Variants in TRPC7 observed in about 807,000 individuals in gnomAD.
The protein encoded by TRPC7 is short transient receptor potential channel 7.
In TRPC7, 42 loss-of-function variants were observed where a neutral mutation model predicts 90.1. That is an observed-to-expected ratio of 0.47 (90% CI 0.36 to 0.60). TRPC7 has a LOEUF of 0.60. TRPC7 is among the 20% of genes least tolerant of loss of function. The pLI, the probability that TRPC7 is intolerant of heterozygous loss-of-function variation, is 0.00. For synonymous variants in TRPC7, 451 were observed against 436.3 expected, an observed-to-expected ratio of 1.03 and a Z score of -0.42; for missense variants, 955 against 1,112.3, an observed-to-expected ratio of 0.86 and a Z score of 2.01.
intron 11 of TRPC7, among the ~76,000 whole-genome samples, chr5:136,214,705 C>T (rs1453213068): frequency 6.6e-6 from 1 of 152,138 alleles, no homozygotes; most frequent in African/African-American, 2.4e-5. Context: ...CATGTCAGCT[C>T]AGGGGCAGTT....
chr5:136,267,184 C>G (rs927246606), intron 4 of TRPC7, among the ~76,000 whole-genome samples: 1 of 152,050 alleles, frequency 6.6e-6, no homozygotes, highest in Middle Eastern at 3.2e-3. Context: ...CAAAAGATGC[C>G]CTATTAGGAG....
chr5:136,332,760 T>C (rs755939951), intron 2 of TRPC7, among the ~76,000 whole-genome samples: 6 of 152,222 alleles, frequency 3.9e-5, no homozygotes, highest in Non-Finnish European at 7.3e-5. Context: ...TAGGAGAGGT[T>C]TCACAATTGC....
intron 2 of TRPC7, among the ~76,000 whole-genome samples, chr5:136,321,052 A>G (rs1410658252): frequency 6.6e-6 from 1 of 152,166 alleles, no homozygotes; most frequent in Non-Finnish European, 1.5e-5. Flanking sequence ...TTCCTGGAGC[A>G]TGGTGGGCAC....
chr5:136,349,170 G>A (rs1476792274), intron 2 of TRPC7, among the ~76,000 whole-genome samples: 1 of 152,036 alleles, frequency 6.6e-6, no homozygotes, highest in Non-Finnish European at 1.5e-5. Flanking sequence ...TCCAGCCCAT[G>A]TCGCCTCTCT....
chr5:136,231,779 A>AT (rs796484877), intron 7 of TRPC7, among the ~76,000 whole-genome samples: 107 of 152,100 alleles, frequency 7.0e-4, no homozygotes, highest in African/African-American at 2.4e-3. Context: ...TAATTGTTTC[A>AT]TTTTTTGTAG....
At chr5:136,326,702 C>G (rs774551540) in intron 2 of TRPC7, among the ~76,000 whole-genome samples, 8 of 152,108 alleles carry the variant, frequency 5.3e-5, no homozygotes, top group Non-Finnish European at 1.2e-4. Flanking sequence ...CCACATTCAC[C>G]TTCCTGGGTG....
chr5:136,354,936 C>T, intron 2 of TRPC7, among the ~76,000 whole-genome samples: 1 of 152,234 alleles, frequency 6.6e-6, no homozygotes, highest in Non-Finnish European at 1.5e-5. Context: ...AACCCAATTA[C>T]ATCTCCTTTG....
chr5:136,266,411 A>G lies in TRPC7; in HGVS notation c.1154T>C (p.Phe385Ser). The G allele has an allele frequency of 6.2e-7, 1 of 1,613,736 alleles. No individual in the cohort carries two copies. Among genetic ancestry groups the G allele is most frequent in the East Asian group, 2.2e-5 (1 of 44,850 alleles). Residue 385 changes from phenylalanine to serine, a missense_variant, in exon 5 of 12, where the codon TTC (phenylalanine) becomes TCC (serine). Phe to Ser is a radical substitution (Grantham distance 155, BLOSUM62 -2). Around this residue, in one of 4 missense-constraint regions of TRPC7, gnomAD observed 484 missense variants for 509.6 expected, o/e 0.95. Coordinates refer to ENST00000513104, the MANE Select transcript of TRPC7 (RefSeq NM_020389.3). ...AACTGCATGAGCTACAAACTTCATG[A>G]AAGGGCTCCTCAGGGTTCGTCCTAG... The part of the protein sequence containing the change: ...SKLGRTLRSP[F>S]MKFVAHAVSF...
intron 1 of TRPC7, among the ~76,000 whole-genome samples, chr5:136,357,834 G>C (rs950328065): frequency 6.6e-6 from 1 of 152,170 alleles, no homozygotes; most frequent in South Asian, 2.1e-4. Context: ...TCTGTAGGAG[G>C]ATTAAATGAA....
chr5:136,260,754 A>G (rs147038378), intron 5 of TRPC7, among the ~76,000 whole-genome samples: 247 of 152,094 alleles, frequency 1.6e-3, no homozygotes, highest in Middle Eastern at 3.4e-3. Context: ...TTGAGAACAG[A>G]CTGAGTCATG....
Position 136,357,090 on chromosome 5 carries a change from T to C in TRPC7, c.298A>G (p.Lys100Glu). 1 of 1,614,034 alleles carries C rather than the reference T, an allele frequency of 6.2e-7. No individual in the cohort carries two copies. The highest frequency in any genetic ancestry group is 8.5e-7 in the Non-Finnish European group (1 of 1,179,954). ...TCCCCCACCCGTGCCAGGTTCTCCT[T>C]CTTCAGCAGCAGCTCCGTGACCTCT... ...HLEVTELLLK[K>E]ENLARVGDAL... The change falls in exon 2 of 12, where the codon AAG becomes GAG. Residue 100 changes from lysine to glutamate, a missense_variant. Lys to Glu is a moderately conservative substitution (Grantham distance 56). This residue lies in a region of TRPC7 where 161 missense variants were observed against 145.7 expected (regional missense o/e 1.10). Transcript: ENST00000513104.
intron 3 of TRPC7, among the ~76,000 whole-genome samples, chr5:136,286,784 G>A (rs1187544223): frequency 6.6e-6 from 1 of 152,098 alleles, no homozygotes; most frequent in East Asian, 1.9e-4. Context: ...TTCTCCATGG[G>A]ACTGTGGGGC....
intron 10 of TRPC7, among the ~76,000 whole-genome samples, chr5:136,222,565 C>CT (rs1471874377): frequency 2.6e-5 from 4 of 152,188 alleles, no homozygotes; most frequent in African/African-American, 9.7e-5. Context: ...AGGAACCATA[C>CT]TCAGATCCCC....
At chr5:136,267,139 C>T (rs1208462733) in intron 4 of TRPC7, among the ~76,000 whole-genome samples, 1 of 152,108 alleles carries the variant, frequency 6.6e-6, no homozygotes, top group Non-Finnish European at 1.5e-5. Context: ...TTCCTTTTGG[C>T]CTAGTGCCTG....
At chr5:136,337,027 C>G (rs1261833981) in intron 2 of TRPC7, among the ~76,000 whole-genome samples, 1 of 152,168 alleles carries the variant, frequency 6.6e-6, no homozygotes. Flanking sequence ...TGGAGGCTCA[C>G]CTATTAAGGC....
At chr5:136,227,643 C>T (rs958858803) in intron 8 of TRPC7, among the ~76,000 whole-genome samples, 10 of 152,156 alleles carry the variant, frequency 6.6e-5, no homozygotes, top group African/African-American at 1.4e-4. Context: ...CTCCTGGTCT[C>T]GCTGTACAAG....
At chr5:136,213,659 G>C in intron 11 of TRPC7, 55 bp from the exon 12 acceptor site, 1 of 1,588,800 alleles carries the variant, frequency 6.3e-7, no homozygotes, top group Non-Finnish European at 8.6e-7. Flanking sequence ...CTCGGGGCTT[G>C]TCCCATGCAC....
intron 3 of TRPC7, among the ~76,000 whole-genome samples, chr5:136,305,996 G>GAA (rs1457236778): frequency 6.6e-6 from 1 of 152,070 alleles, no homozygotes; most frequent in Non-Finnish European, 1.5e-5. Context: ...CCAGACACCG[G>GAA]ACCAACTTAG....
intron 3 of TRPC7, among the ~76,000 whole-genome samples, chr5:136,290,744 C>T (rs1757915283): frequency 6.6e-6 from 1 of 152,152 alleles, no homozygotes; most frequent in African/African-American, 2.4e-5. Flanking sequence ...AGAACTTCCC[C>T]CATCTAGCAA....
Sources: gnomAD v4.1 joint callset for allele counts (sites outside exome capture counted in the v4.1 genomes callset) on GRCh38, gnomAD v4.1.1 for gene constraint, gnomAD v4.1.1 regional missense constraint, MANE v1.5 for transcripts, NCBI Gene and HGNC (gene_info 2026-07-23, HGNC 2026-07-21) for gene names.